TANK: variants seen among roughly 807,000 people sequenced by gnomAD.
The protein encoded by TANK is TRAF family member associated NFKB activator, also known as TRAF family member-associated NF-kappa-B activator.
Under a neutral mutation model 43.6 loss-of-function variants are expected in TANK, and 15 were observed. The observed-to-expected ratio is 0.34, with a 90% CI of 0.23 to 0.53. The LOEUF (loss-of-function observed/expected upper bound fraction) is 0.53, where lower values mean the gene tolerates loss of function less well. Ranked by LOEUF, TANK falls within the 20% of genes least tolerant of loss-of-function variation. The probability of loss-of-function intolerance (pLI) is 0.94; values close to 1 mark genes in which losing one functional copy is unlikely to be tolerated. For synonymous variants in TANK, 162 were observed against 178.2 expected (o/e 0.91, Z 0.73); for missense variants, 417 against 498.6 (o/e 0.84, Z 1.56).
chr2:161,156,737 G>C (rs1684236880), upstream of TANK, among the ~76,000 whole-genome samples: 1 of 152,202 alleles, frequency 6.6e-6, no homozygotes, highest in African/African-American at 2.4e-5. Context: ...TTTTTGGTTT[G>C]AAGCTGACAT....
intron 2 of TANK, among the ~76,000 whole-genome samples, chr2:161,190,156 A>G (rs1443050259): frequency 6.6e-6 from 1 of 152,196 alleles, no homozygotes; most frequent in Non-Finnish European, 1.5e-5. Flanking sequence ...TAAAATGGGC[A>G]AGGGGCTTTA....
chr2:161,141,256 C>T (rs79920415), intron 1 of TANK, among the ~76,000 whole-genome samples: 21 of 152,164 alleles, frequency 1.4e-4, no homozygotes, highest in African/African-American at 4.3e-4. Flanking sequence ...ACCACAAATC[C>T]GCATTCTGTC....
chr2:161,159,164 C>A (rs1320525264), upstream of TANK: 4 of 152,200 alleles, frequency 2.6e-5, no homozygotes, highest in Admixed American at 6.5e-5. Context: ...CATTCTCTTA[C>A]CTTATGATCC....
chr2:161,207,584 G>A (rs774742776), intron 4 of TANK: 73 of 984,896 alleles, frequency 7.4e-5, no homozygotes, highest in Non-Finnish European at 8.7e-5. Flanking sequence ...TTGAATATTT[G>A]AGAGTTGGCT....
At chr2:161,146,330 T>A (rs1159370822) in intron 1 of TANK, among the ~76,000 whole-genome samples, 1 of 152,210 alleles carries the variant, frequency 6.6e-6, no homozygotes, top group Non-Finnish European at 1.5e-5. Context: ...TGTCAATTTG[T>A]CCATCTCATC....
At position 161,231,134 on chromosome 2, in the gene TANK, A is replaced by G. The variant is rs762735018; in HGVS notation, c.684A>G (p.Ser228=). The G allele has an allele frequency of 1.2e-6, 2 of 1,614,104 alleles. No individual in the cohort carries two copies. Among genetic ancestry groups the G allele is most frequent in the Non-Finnish European group, 1.7e-6 (2 of 1,180,018 alleles). ...ATGAGGAAGACACCTCTTTTGAATCACTTTCTAAATTCAATGTCAAGTTTC... is the reference window on the plus strand; with the variant it reads ...ATGAGGAAGACACCTCTTTTGAATCGCTTTCTAAATTCAATGTCAAGTTTC... The part of the protein sequence containing the change: ...CRDEEDTSFE[S]LSKFNVKFPP... The change falls in exon 7 of 8, where the codon TCA becomes TCG. Residue 228 remains serine, a synonymous_variant. Transcript: ENST00000392749.
chr2:161,222,822 T>C lies in TANK; in HGVS notation c.328-1093T>C, dbSNP rs905691921. ...AGATTTTATTTTACTAATTCTGAGATACTATAAAAATAATACTCTATATAT... is the reference window on the plus strand; with the variant it reads ...AGATTTTATTTTACTAATTCTGAGACACTATAAAAATAATACTCTATATAT... On this transcript the variant is annotated intron_variant, in intron 4 of 7. Transcript: ENST00000392749. 130 of 152,128 alleles carry C rather than the reference T, an allele frequency of 8.5e-4. 2 individuals carry two copies. Among genetic ancestry groups the C allele is most frequent in the African/African-American group, 2.9e-3 (119 of 41,568 alleles). 9.4% of individuals were successfully genotyped at this position (152,128 alleles called of 1,614,324 possible).
At chr2:161,166,205 A>G (rs1336291058) in intron 1 of TANK, among the ~76,000 whole-genome samples, 2 of 152,214 alleles carry the variant, frequency 1.3e-5, no homozygotes, top group Middle Eastern at 3.2e-3. Flanking sequence ...CAAAATTCAA[A>G]TTCTAACACT....
At position 161,235,624 on chromosome 2, in the gene TANK, C is replaced by G. The variant is rs193054368; in HGVS notation, c.*106C>G. The G allele has an allele frequency of 7.6e-6, 7 of 916,494 alleles. No individual in the cohort carries two copies. Among genetic ancestry groups the G allele is most frequent in the Non-Finnish European group, 1.1e-5 (7 of 655,196 alleles). The allele number at this position is 916,494 out of a possible 1,614,324, so 56.8% of individuals were successfully genotyped here. ...AATTCAAGATCATTTATAGGAAAAT[C>G]TAGTTTCACAGCTATTTGAATTTTT... On this transcript the variant is annotated 3_prime_UTR_variant, in exon 8 of 8. Coordinates refer to ENST00000392749, the MANE Select transcript of TANK (RefSeq NM_001199135.3).
intron 7 of TANK, among the ~76,000 whole-genome samples, chr2:161,232,201 C>G (rs1482775305): frequency 6.6e-6 from 1 of 152,248 alleles, no homozygotes; most frequent in South Asian, 2.1e-4. Flanking sequence ...CCAAACCACT[C>G]CTGCCCTCCC....
At chr2:161,194,439 G>A (rs1036222212) in intron 2 of TANK, among the ~76,000 whole-genome samples, 8 of 151,966 alleles carry the variant, frequency 5.3e-5, no homozygotes, top group Middle Eastern at 6.3e-3. Flanking sequence ...TTTGTACCGA[G>A]AAGAAAAGTG....
chr2:161,205,025 C>T (rs1226511483), intron 4 of TANK: 4 of 1,207,024 alleles, frequency 3.3e-6, no homozygotes, highest in Non-Finnish European at 4.2e-6. Flanking sequence ...ACAAAGAAAA[C>T]ATTTAACAAA....
chr2:161,217,116 G>A (rs1251582097), intron 4 of TANK, among the ~76,000 whole-genome samples: 2 of 152,160 alleles, frequency 1.3e-5, no homozygotes, highest in African/African-American at 2.4e-5. Context: ...CAGACAAAAT[G>A]TTTTCTAGAG....
In TANK at chr2:161,179,941, T is replaced by C. The variant is rs1685346851; in HGVS notation, c.99+180T>C. 3.9e-6 allele frequency: 5 copies of C among 1,282,846 alleles called. No individual in the cohort carries two copies. In the South Asian group the frequency reaches 1.4e-4, roughly 35 times the overall value. The allele number at this position is 1,282,846 out of a possible 1,614,324, so 79.5% of individuals were successfully genotyped here. A position where few individuals can be genotyped will look rare whatever the true frequency, so the allele number is the denominator to read the frequency against. On this transcript the variant is annotated intron_variant, in intron 2 of 7. Coordinates refer to ENST00000392749, the MANE Select transcript of TANK (RefSeq NM_001199135.3). ...TTGTTTGTTGTTTTTTTTAAAAATA[T>C]TGCAACCCATAGGAAGAGTTGATTT...
chr2:161,202,063 T>C (rs1686438552), intron 2 of TANK, among the ~76,000 whole-genome samples: 1 of 152,220 alleles, frequency 6.6e-6, no homozygotes, highest in Non-Finnish European at 1.5e-5. Flanking sequence ...TTAGGCAATG[T>C]GCAAAGACAA....
At chr2:161,218,019 G>C (rs561938720) in intron 4 of TANK, among the ~76,000 whole-genome samples, 1 of 152,210 alleles carries the variant, frequency 6.6e-6, no homozygotes, top group South Asian at 2.1e-4. Flanking sequence ...TGCCAAGTTT[G>C]AGAAATACTA....
upstream of TANK, chr2:161,160,265 A>T (rs956076621): frequency 3.3e-4 from 86 of 259,662 alleles, 2 homozygotes; most frequent in East Asian, 3.9e-3. Context: ...GGGCTGGGGG[A>T]GGGCGCTAGG....
Position 161,215,057 on chromosome 2 carries a change from G to C in TANK, c.328-8858G>C, listed in dbSNP as rs74564311. Among the ~76,000 whole-genome samples the C allele has an allele frequency of 5.1e-3, 783 of 152,248 alleles. 7 individuals carry two copies. The highest frequency in any genetic ancestry group is 0.017 in the African/African-American group (724 of 41,550). On this transcript the variant is annotated intron_variant, in intron 4 of 7. Coordinates refer to ENST00000392749, the MANE Select transcript of TANK (RefSeq NM_001199135.3). The stretch of plus-strand genomic sequence containing the variant: ...AAGCCTAAGAAAAGGCTCCGGTAAA[G>C]AACAGTGAGATTCTTGTATTCCTGA...
chr2:161,175,383 T>C (rs1685132158), intron 1 of TANK, among the ~76,000 whole-genome samples: 1 of 152,152 alleles, frequency 6.6e-6, no homozygotes, highest in Non-Finnish European at 1.5e-5. Context: ...TTCTGAGCCT[T>C]ATCAGTCAAA....
Sources: gnomAD v4.1 joint callset for allele counts (sites outside exome capture counted in the v4.1 genomes callset) on GRCh38, gnomAD v4.1.1 for gene constraint, MANE v1.5 for transcripts, NCBI Gene and HGNC (gene_info 2026-07-23, HGNC 2026-07-21) for gene names.